The following PDE3A variants were observed in gnomAD, a reference collection of about 807,000 sequenced individuals.
PDE3A encodes the protein phosphodiesterase 3A, also known as cGMP-inhibited 3',5'-cyclic phosphodiesterase 3A.
A neutral mutation model predicts 98.3 loss-of-function variants in PDE3A; 43 were observed. The observed-to-expected ratio is 0.44, with a 90% confidence interval of 0.34 to 0.56. PDE3A has a LOEUF of 0.56. PDE3A is among the 20% of genes least tolerant of loss of function. The pLI is 0.01. For synonymous variants in PDE3A, 663 were observed against 567.9 expected (o/e 1.17, Z -2.38); for missense variants, 1,427 against 1,440.7 (o/e 0.99, Z 0.15).
At chr12:20,572,799 A>G (rs1942831991) in intron 2 of PDE3A, among the ~76,000 whole-genome samples, 1 of 152,128 alleles carries the variant, frequency 6.6e-6, no homozygotes, top group African/African-American at 2.4e-5. Context: ...GGACAAGATT[A>G]TTCACTGCCA....
intron 1 of PDE3A, among the ~76,000 whole-genome samples, chr12:20,535,588 T>C (rs1230912779): frequency 6.6e-6 from 1 of 152,118 alleles, no homozygotes; most frequent in East Asian, 1.9e-4. Context: ...CAGTACTTAG[T>C]ACATGCCTGG....
chr12:20,509,797 C>T (rs977266872), intron 1 of PDE3A, among the ~76,000 whole-genome samples: 2 of 145,344 alleles, frequency 1.4e-5, no homozygotes, highest in African/African-American at 4.9e-5. Flanking sequence ...TATTTTTTTA[C>T]CACTGTCTAG....
intron 2 of PDE3A, among the ~76,000 whole-genome samples, chr12:20,601,605 CTT>C (rs1204186377): frequency 2.6e-5 from 4 of 152,070 alleles, no homozygotes; most frequent in Non-Finnish European, 4.4e-5. Flanking sequence ...TCTAATATGT[CTT>C]ATAAAAATTG....
At chr12:20,639,532 G>A (rs1944599477) in intron 9 of PDE3A, among the ~76,000 whole-genome samples, 1 of 152,012 alleles carries the variant, frequency 6.6e-6, no homozygotes, top group African/African-American at 2.4e-5. Flanking sequence ...TTTTGCCATA[G>A]TGAGACTTTA....
chr12:20,625,425 A>G (rs1944238811), intron 5 of PDE3A, among the ~76,000 whole-genome samples: 1 of 152,172 alleles, frequency 6.6e-6, no homozygotes, highest in Non-Finnish European at 1.5e-5. Context: ...ATATCTCTAC[A>G]CCTATAATCT....
chr12:20,636,599 C>G (rs1944519607), intron 8 of PDE3A, among the ~76,000 whole-genome samples: 1 of 152,012 alleles, frequency 6.6e-6, no homozygotes, highest in Non-Finnish European at 1.5e-5. Context: ...CATTTTAAAG[C>G]ATTAATATAA....
At chr12:20,603,569 T>G (rs1484293003) in intron 2 of PDE3A, among the ~76,000 whole-genome samples, 1 of 152,140 alleles carries the variant, frequency 6.6e-6, no homozygotes, top group African/African-American at 2.4e-5. Context: ...TTTAATTTAT[T>G]TATTTATTTT....
chr12:20,459,540 G>T (rs1298686329), intron 1 of PDE3A, among the ~76,000 whole-genome samples: 37 of 152,014 alleles, frequency 2.4e-4, no homozygotes, highest in Admixed American at 2.4e-3. Context: ...TTTGTTACTA[G>T]TGATATATGA....
chr12:20,385,610 T>TA (rs1400203710), intron 1 of PDE3A, among the ~76,000 whole-genome samples: 1 of 151,730 alleles, frequency 6.6e-6, no homozygotes, highest in Non-Finnish European at 1.5e-5. Context: ...TATGCAGCCA[T>TA]AAAAAATGAT....
intron 2 of PDE3A, among the ~76,000 whole-genome samples, chr12:20,598,037 ACT>A (rs368521946): frequency 1.0e-3 from 157 of 152,144 alleles, no homozygotes; most frequent in African/African-American, 3.5e-3. Flanking sequence ...GAGAAAACAC[ACT>A]CTGTTTTCCA....
At chr12:20,473,793 C>T (rs552685515) in intron 1 of PDE3A, among the ~76,000 whole-genome samples, 3 of 151,794 alleles carry the variant, frequency 2.0e-5, no homozygotes, top group South Asian at 2.1e-4. Flanking sequence ...GAGATTCAAC[C>T]GTGTTGATAT....
chr12:20,547,879 T>G (rs749206956), intron 1 of PDE3A, among the ~76,000 whole-genome samples: 3 of 152,110 alleles, frequency 2.0e-5, no homozygotes, highest in Non-Finnish European at 2.9e-5. Flanking sequence ...CTCATGCTAT[T>G]GTTAAAAATA....
chr12:20,390,095 G>A (rs763189760), intron 1 of PDE3A, among the ~76,000 whole-genome samples: 1 of 151,982 alleles, frequency 6.6e-6, no homozygotes, highest in East Asian at 1.9e-4. Flanking sequence ...GAAAAGACAG[G>A]TGGAAAAGAC....
intron 2 of PDE3A, among the ~76,000 whole-genome samples, chr12:20,595,210 CT>C (rs1943436341): frequency 6.6e-6 from 1 of 152,078 alleles, no homozygotes; most frequent in Non-Finnish European, 1.5e-5. Context: ...TAGTATTGGT[CT>C]CATCCTAATG....
Position 20,684,794 on chromosome 12 carries a change from G to A in PDE3A, c.*4523G>A, listed in dbSNP as rs959444235. 6.6e-6 allele frequency among the ~76,000 whole-genome samples: 1 copy of A among 152,152 alleles called. No individual in the cohort carries two copies. Among genetic ancestry groups the A allele is most frequent in the African/African-American group, 2.4e-5 (1 of 41,446 alleles). ...TGTTCACACATCAATTTGTTCATCTGGAAGATATTCAAATTCTTATTGGGA... is the reference window on the plus strand; with the variant it reads ...TGTTCACACATCAATTTGTTCATCTAGAAGATATTCAAATTCTTATTGGGA... On this transcript the variant is annotated 3_prime_UTR_variant, in exon 16 of 16. Coordinates refer to ENST00000359062, the MANE Select transcript of PDE3A (RefSeq NM_000921.5).
At chr12:20,524,846 G>A (rs1946486510) in intron 1 of PDE3A, among the ~76,000 whole-genome samples, 1 of 151,936 alleles carries the variant, frequency 6.6e-6, no homozygotes, top group Admixed American at 6.6e-5. Flanking sequence ...GTTAGAAGAT[G>A]GAGCTAGGCC....
At chr12:20,406,167 C>A (rs1247622942) in intron 1 of PDE3A, among the ~76,000 whole-genome samples, 1 of 152,132 alleles carries the variant, frequency 6.6e-6, no homozygotes, top group Non-Finnish European at 1.5e-5. Flanking sequence ...AATGTCTTGG[C>A]TTTGTAAATA....
intron 1 of PDE3A, among the ~76,000 whole-genome samples, chr12:20,373,711 T>C (rs1210747401): frequency 1.3e-5 from 2 of 152,156 alleles, no homozygotes; most frequent in Non-Finnish European, 2.9e-5. Context: ...TTTGTACCAC[T>C]TAATGACAAC....
rs1315816632 is a variant in PDE3A at position 20,368,927 on chromosome 12, T to C, written c.-358T>C. Among the ~76,000 whole-genome samples, 1 of 150,242 alleles carries C rather than the reference T, an allele frequency of 6.7e-6. No individual in the cohort carries two copies. The highest frequency in any genetic ancestry group is 2.5e-5 in the African/African-American group (1 of 40,774). On this transcript the variant is annotated 5_prime_UTR_variant, in exon 1 of 16. The change abolishes the stop of an existing upstream ORF in the 5' untranslated region. Transcript: ENST00000359062. ...TTGGGCAATTTTTGAAATCCTGAAGTAGGAAGAGACCCCGGAGGATATAAG... is the reference window on the plus strand; with the variant it reads ...TTGGGCAATTTTTGAAATCCTGAAGCAGGAAGAGACCCCGGAGGATATAAG...
Sources: gnomAD v4.1 joint callset for allele counts (sites outside exome capture counted in the v4.1 genomes callset) on GRCh38, gnomAD v4.1.1 for gene constraint, MANE v1.5 for transcripts, NCBI Gene and HGNC (gene_info 2026-07-23, HGNC 2026-07-21) for gene names.